Variants in FLT1 observed in about 807,000 individuals in gnomAD.
FLT1 encodes vascular endothelial growth factor receptor 1.
A neutral mutation model predicts 156.3 loss-of-function variants in FLT1; 49 were observed. That is an observed-to-expected ratio of 0.31 (90% CI 0.25 to 0.40). The LOEUF (loss-of-function observed/expected upper bound fraction) is 0.40. Ranked by LOEUF, FLT1 falls within the 10% of genes least tolerant of loss-of-function variation. The pLI, the probability that FLT1 is intolerant of heterozygous loss-of-function variation, is 1.00. For synonymous variants in FLT1, 594 were observed against 583.8 expected (o/e 1.02, Z -0.25); for missense variants, 1,322 against 1,637.2 (o/e 0.81, Z 3.32).
rs1018763365 is a variant in FLT1 at position 28,377,502 on chromosome 13, A to T, written c.2116+7383T>A. 3.3e-5 allele frequency among the ~76,000 whole-genome samples: 5 copies of T among 150,458 alleles called. No individual in the cohort carries two copies. In the Admixed American group the frequency reaches 3.4e-4, roughly 10 times the overall value. On this transcript the variant is annotated intron_variant, in intron 14 of 29. Transcript: ENST00000282397. Reference sequence around the variant, plus strand: ...ACCAATTGACACGATAATAGCGAATAAGGCAGGACACACAGGGTTGTTGCT... The same window carrying T: ...ACCAATTGACACGATAATAGCGAATTAGGCAGGACACACAGGGTTGTTGCT...
chr13:28,329,696 T>C lies in FLT1; in HGVS notation c.2626A>G (p.Met876Val). The C allele has an allele frequency of 6.2e-7, 1 of 1,614,186 alleles. No homozygotes were observed. Among genetic ancestry groups the C allele is most frequent in the Non-Finnish European group, 8.5e-7 (1 of 1,180,008 alleles). The change falls in exon 19 of 30, where the codon ATG becomes GTG. Residue 876 changes from methionine to valine, a missense_variant. This residue lies in a region of FLT1 where 991 missense variants were observed against 1,254.8 expected (regional missense o/e 0.79). Transcript: ENST00000282397. ...GATASEYKAL[M>V]TELKILTHIG... ...TGGGTCAAGATTTTTAGCTCAGTCA[T>C]CAGAGCTTTGTACTCGCTGGCCGTG...
intron 15 of FLT1, among the ~76,000 whole-genome samples, chr13:28,347,851 C>A (rs542233304): frequency 6.6e-5 from 10 of 152,300 alleles, no homozygotes; most frequent in African/African-American, 2.4e-4. Context: ...AATTGAGACA[C>A]AGAGAGATTA....
intron 14 of FLT1, among the ~76,000 whole-genome samples, chr13:28,361,332 A>C (rs796070496): frequency 6.6e-6 from 1 of 151,974 alleles, no homozygotes. Flanking sequence ...AACACCTACA[A>C]TCTCACCTCC....
At position 28,384,334 on chromosome 13, in the gene FLT1, A is replaced by G. The variant is rs186549998; in HGVS notation, c.2116+551T>C. 3.9e-3 allele frequency among the ~76,000 whole-genome samples: 587 copies of G among 151,718 alleles called. 4 individuals carry two copies. Among genetic ancestry groups the G allele is most frequent in the African/African-American group, 0.013 (542 of 41,296 alleles). ...TGCCTGTAGTCCCAACTACTTGCCC[A>G]GCTACTTGGATGGTTGAGGTAGGAG... On this transcript the variant is annotated intron_variant, in intron 14 of 29. Transcript: ENST00000282397.
intron 1 of FLT1, 41 bp downstream of exon 1, chr13:28,494,739 T>C: frequency 6.6e-7 from 1 of 1,505,178 alleles, no homozygotes; most frequent in South Asian, 1.2e-5. Flanking sequence ...GGCCGCCCCA[T>C]CGCAGCCCGC....
chr13:28,466,075 G>GT (rs1360519800), intron 3 of FLT1, among the ~76,000 whole-genome samples: 8 of 151,914 alleles, frequency 5.3e-5, no homozygotes, highest in Admixed American at 3.9e-4. Context: ...GTGTGTGTGC[G>GT]TTTTTTTCTT....
At chr13:28,433,445 AGTT>A (rs772716568) in intron 6 of FLT1, among the ~76,000 whole-genome samples, 1 of 152,228 alleles carries the variant, frequency 6.6e-6, no homozygotes, top group Non-Finnish European at 1.5e-5. Flanking sequence ...CCTCCTGGAA[AGTT>A]GTTGTTGTTG....
chr13:28,368,346 T>G (rs968237556), intron 14 of FLT1: 6 of 764,402 alleles, frequency 7.8e-6, no homozygotes, highest in Non-Finnish European at 1.2e-5. Flanking sequence ...GAGACAGCAT[T>G]TCACCATCTT....
intron 3 of FLT1, among the ~76,000 whole-genome samples, chr13:28,462,471 AGGT>A (rs763719356): frequency 6.6e-6 from 1 of 152,168 alleles, no homozygotes; most frequent in Non-Finnish European, 1.5e-5. Context: ...TGTAATTAGG[AGGT>A]GCTTTGTAAT....
At chr13:28,412,369 T>TTTCTTTCTTTCTTTCCTTCC (rs1566013050) in intron 10 of FLT1, among the ~76,000 whole-genome samples, 6 of 83,074 alleles carry the variant, frequency 7.2e-5, no homozygotes, top group African/African-American at 1.7e-4. Flanking sequence ...TCTTTCTTTC[T>TTTCTTTCTTTCTTTCCTTCC]TTCTTTCTTT....
chr13:28,328,790 T>C (rs1479668893), intron 19 of FLT1, among the ~76,000 whole-genome samples: 1 of 152,198 alleles, frequency 6.6e-6, no homozygotes, highest in African/African-American at 2.4e-5. Flanking sequence ...GCTGTCTCAT[T>C]ATACCTGATC....
intron 17 of FLT1, among the ~76,000 whole-genome samples, chr13:28,337,233 C>T (rs1872151366): frequency 6.6e-6 from 1 of 151,820 alleles, no homozygotes; most frequent in Admixed American, 6.6e-5. Flanking sequence ...CCTCCAACTG[C>T]ATCCATCTAT....
chr13:28,424,829 C>G (rs962609322), intron 10 of FLT1, among the ~76,000 whole-genome samples: 1 of 152,088 alleles, frequency 6.6e-6, no homozygotes, highest in African/African-American at 2.4e-5. Context: ...CCATATAACT[C>G]AAAATAAGTG....
intron 12 of FLT1, among the ~76,000 whole-genome samples, chr13:28,394,262 T>A (rs1874909611): frequency 2.6e-5 from 4 of 152,230 alleles, no homozygotes; most frequent in Admixed American, 2.6e-4. Context: ...CTTGGTTGAC[T>A]GGACTTGTGT....
chr13:28,349,993 T>C (rs181181922), intron 15 of FLT1, among the ~76,000 whole-genome samples: 48 of 152,370 alleles, frequency 3.2e-4, no homozygotes, highest in Admixed American at 1.6e-3. Context: ...TAGGACAGTC[T>C]TATGCTGGGT....
chr13:28,305,295 C>T (rs1307542000), intron 29 of FLT1, among the ~76,000 whole-genome samples: 3 of 152,156 alleles, frequency 2.0e-5, no homozygotes, highest in Non-Finnish European at 4.4e-5. Context: ...GCAATTGTGG[C>T]TCACTGCAGC....
At chr13:28,425,127 A>G (rs1006782648) in intron 10 of FLT1, among the ~76,000 whole-genome samples, 3 of 152,234 alleles carry the variant, frequency 2.0e-5, no homozygotes, top group Admixed American at 6.5e-5. Context: ...TCACACAGGT[A>G]GGCTACTCAA....
At chr13:28,312,277 G>A (rs1164211411) in intron 25 of FLT1, among the ~76,000 whole-genome samples, 179 bp from the exon 26 acceptor site, 2 of 152,130 alleles carry the variant, frequency 1.3e-5, no homozygotes, top group Non-Finnish European at 2.9e-5. Flanking sequence ...AGGCTGTCTG[G>A]GCCAGGTCCT....
At chr13:28,397,516 T>A (rs557017451) in intron 11 of FLT1, among the ~76,000 whole-genome samples, 1 of 152,164 alleles carries the variant, frequency 6.6e-6, no homozygotes, top group East Asian at 1.9e-4. Flanking sequence ...ATAACAGGCA[T>A]GTTAAGTGAG....
Sources: allele counts gnomAD v4.1 joint callset (sites outside exome capture counted in the v4.1 genomes callset), GRCh38; gene constraint gnomAD v4.1.1; regional missense constraint gnomAD v4.1.1; transcripts MANE v1.5; gene names NCBI Gene and HGNC (gene_info 2026-07-23, HGNC 2026-07-21).